The following CDKN1B variants were observed in gnomAD, a reference collection of about 807,000 sequenced individuals.
The protein encoded by CDKN1B is cyclin dependent kinase inhibitor 1B.
In CDKN1B, 7 loss-of-function variants were observed where a neutral mutation model predicts 17.1. That is an observed-to-expected ratio of 0.41 (90% confidence interval 0.23 to 0.77). The LOEUF is 0.77. CDKN1B is among the 30% of genes least tolerant of loss of function. The pLI, the probability that CDKN1B is intolerant of heterozygous loss-of-function variation, is 0.33. For synonymous variants in CDKN1B, 149 were observed against 104.3 expected (o/e 1.43, Z -2.61); for missense variants, 337 against 262.0 (o/e 1.29, Z -1.98).
Position 12,717,820 on chromosome 12 carries a change from C to T in CDKN1B, c.-20C>T, listed in dbSNP as rs1006578798. The T allele has an allele frequency of 1.9e-6, 3 of 1,610,530 alleles. No homozygotes were observed. The highest frequency in any genetic ancestry group is 2.2e-5 in the East Asian group (1 of 44,874). ...TTTTTGAGAGTGCGAGAGAGGCGGT[C>T]GTGCAGACCCGGGAGAAAGATGTCA... is the stretch of plus-strand genomic sequence containing the variant. On this transcript the variant is annotated 5_prime_UTR_variant, in exon 1 of 3. Coordinates refer to ENST00000228872, the MANE Select transcript of CDKN1B (RefSeq NM_004064.5).
At position 12,718,882 on chromosome 12, in the gene CDKN1B, C is replaced by A; in HGVS notation, c.533C>A (p.Ser178Tyr). The stretch of plus-strand genomic sequence containing the variant: ...ACAGAAGAAAATGTTTCAGACGGTT[C>A]CCCAAATGCCGGTTCTGTGGAGCAG... ...NRTEENVSDG[S>Y]PNAGSVEQTP... The change falls in exon 2 of 3, where the codon TCC becomes TAC. Residue 178 changes from serine (S) to tyrosine (Y), a missense_variant. Ser to Tyr is a moderately radical substitution (Grantham distance 144). Transcript: ENST00000228872. 1 of 1,614,142 alleles carries A rather than the reference C, an allele frequency of 6.2e-7. No homozygotes were observed. The highest frequency in any genetic ancestry group is 1.7e-5 in the Admixed American group (1 of 60,026).
intron 1 of CDKN1B, 111 bp downstream of exon 1, chr12:12,718,425 T>C (rs1946502858): frequency 9.9e-7 from 1 of 1,006,436 alleles, no homozygotes; most frequent in Non-Finnish European, 1.5e-6. Context: ...TTGGGAGAGC[T>C]AACTTTATTG....
In CDKN1B at chr12:12,717,537, C is replaced by T; in HGVS notation, c.-303C>T. 7.2e-7 allele frequency: 1 copy of T among 1,394,980 alleles called. No homozygotes were observed. The highest frequency in any genetic ancestry group is 9.3e-7 in the Non-Finnish European group (1 of 1,074,686). The allele number at this position is 1,394,980 out of a possible 1,614,324, so 86.4% of individuals were successfully genotyped here. A position where few individuals can be genotyped will look rare whatever the true frequency, so the allele number is the denominator to read the frequency against. ...TGGGTTCGCGGGACCCGCGGGCTTG[C>T]ACCCGCCCAGACTCGGACGGGCTTT... On this transcript the variant is annotated 5_prime_UTR_variant, in exon 1 of 3. Transcript: ENST00000228872.
chr12:12,717,604 TCCCGCTCG>T lies in CDKN1B; in HGVS notation c.-233_-226del. ...GCCTGGTCCCCTCTCCTCTCCGCCC[TCCCGCTCG>T]CCAGTCCATTTGATCAGCGGAGACT... is the stretch of plus-strand genomic sequence containing the variant. On this transcript the variant is annotated 5_prime_UTR_variant, in exon 1 of 3. Transcript: ENST00000228872. 1 of 1,438,572 alleles carries T rather than the reference TCCCGCTCG, an allele frequency of 7.0e-7. No homozygotes were observed. The highest frequency in any genetic ancestry group is 1.4e-5 in the African/African-American group (1 of 69,708). 89.1% of individuals were successfully genotyped at this position (1,438,572 alleles called of 1,614,324 possible).
rs1242997286 is a variant in CDKN1B at position 12,718,094 on chromosome 12, C to T, written c.255C>T (p.Pro85=). The T allele has an allele frequency of 1.9e-6, 3 of 1,614,114 alleles. No homozygotes were observed. Among genetic ancestry groups the T allele is most frequent in the Non-Finnish European group, 2.5e-6 (3 of 1,180,048 alleles). Residue 85 remains proline (P), a synonymous_variant, in exon 1 of 3, where the codon CCC becomes CCT. Transcript: ENST00000228872. ...EWQEVEKGSL[P]EFYYRPPRPP... ...AAGAGGTGGAGAAGGGCAGCTTGCC[C>T]GAGTTCTACTACAGACCCCCGCGGC...
chr12:12,717,368 C>G lies in CDKN1B; in HGVS notation c.-472C>G, dbSNP rs552816150. 2.2e-5 allele frequency: 24 copies of G among 1,108,436 alleles called. No individual in the cohort carries two copies. The East Asian group carries it at 6.8e-4, about 31-fold the overall frequency. The allele number at this position is 1,108,436 out of a possible 1,614,324, so 68.7% of individuals were successfully genotyped here. ...ATAGACTCGCCGTGTCAATCATTTTCTTCTTCGTCAGCCTCCCTTCCACCG... is the reference window on the plus strand; with the variant it reads ...ATAGACTCGCCGTGTCAATCATTTTGTTCTTCGTCAGCCTCCCTTCCACCG... On this transcript the variant is annotated 5_prime_UTR_variant, in exon 1 of 3. Coordinates refer to ENST00000228872, the MANE Select transcript of CDKN1B (RefSeq NM_004064.5).
chr12:12,718,392 T>C, intron 1 of CDKN1B, 78 bp downstream of exon 1: 2 of 1,298,158 alleles, frequency 1.5e-6, no homozygotes, highest in Non-Finnish European at 2.2e-6. Context: ...TTAGCTTGCT[T>C]TTCGGCGTAT....
chr12:12,719,841 C>G (rs1156688427), intron 2 of CDKN1B, among the ~76,000 whole-genome samples: 1 of 152,112 alleles, frequency 6.6e-6, no homozygotes, highest in Non-Finnish European at 1.5e-5. Flanking sequence ...AATTCAGTCC[C>G]CAGATAACCA....
At position 12,721,241 on chromosome 12, in the gene CDKN1B, C is replaced by A; in HGVS notation, c.*214C>A. On this transcript the variant is annotated 3_prime_UTR_variant, in exon 3 of 3. Transcript: ENST00000228872. ...TAAAAGCGTTGGATGTAGCATTATG[C>A]AATTAGGTTTTTCCTTATTTGCTTC... is the stretch of plus-strand genomic sequence containing the variant. 2 of 501,536 alleles carry A rather than the reference C, an allele frequency of 4.0e-6. No individual in the cohort carries two copies. The highest frequency in any genetic ancestry group is 7.8e-6 in the Non-Finnish European group (2 of 255,382). The allele number at this position is 501,536 out of a possible 1,614,324, so 31.1% of individuals were successfully genotyped here. A position where few individuals can be genotyped will look rare whatever the true frequency, so the allele number is the denominator to read the frequency against.
rs948773586 is a variant in CDKN1B at position 12,717,692 on chromosome 12, C to T, written c.-148C>T. The T allele has an allele frequency of 4.6e-6, 7 of 1,535,374 alleles. No individual in the cohort carries two copies. The highest frequency in any genetic ancestry group is 2.4e-5 in the East Asian group (1 of 41,168). On this transcript the variant is annotated 5_prime_UTR_variant, in exon 1 of 3. Transcript: ENST00000228872. Reference sequence around the variant, plus strand: ...CCCTGCGCGCTCCTAGAGCTCGGGCCGTGGCTCGTCGGGGTCTGTGTCTTT... The same window carrying T: ...CCCTGCGCGCTCCTAGAGCTCGGGCTGTGGCTCGTCGGGGTCTGTGTCTTT...
At chr12:12,719,709 A>G (rs1478301190) in intron 2 of CDKN1B, among the ~76,000 whole-genome samples, 1 of 152,216 alleles carries the variant, frequency 6.6e-6, no homozygotes, top group African/African-American at 2.4e-5. Flanking sequence ...GGTGATTTGG[A>G]TATTTGTAGG....
rs1026666962 is a variant in CDKN1B, at chr12:12,717,451, C to T, written c.-389C>T. ...CTTTTCGGGGTGTTTTTCTCCCCCT[C>T]CCCTGTCCCCGCTTGCTCACGGCTC... On this transcript the variant is annotated 5_prime_UTR_variant, in exon 1 of 3. Transcript: ENST00000228872. 4 of 1,297,678 alleles carry T rather than the reference C, an allele frequency of 3.1e-6. No individual in the cohort carries two copies. Among genetic ancestry groups the T allele is most frequent in the East Asian group, 3.4e-5 (1 of 29,804 alleles). The allele number at this position is 1,297,678 out of a possible 1,614,324, so 80.4% of individuals were successfully genotyped here. A position where few individuals can be genotyped will look rare whatever the true frequency, so the allele number is the denominator to read the frequency against.
intron 2 of CDKN1B, 51 bp from the exon 3 acceptor site, chr12:12,720,985 C>T (rs1855121958): frequency 4.9e-6 from 3 of 610,020 alleles, no homozygotes; most frequent in East Asian, 2.8e-5. Context: ...CTACTGGTAA[C>T]GTTAATCTAG....
intron 2 of CDKN1B, chr12:12,719,216 C>T (rs1225604597): frequency 2.2e-6 from 1 of 454,324 alleles, no homozygotes; most frequent in Non-Finnish European, 4.0e-6. Flanking sequence ...AAGGTCGTTT[C>T]CCTGTGAGTC....
Sources: allele counts gnomAD v4.1 joint callset (sites outside exome capture counted in the v4.1 genomes callset), GRCh38; gene constraint gnomAD v4.1.1; transcripts MANE v1.5; gene names NCBI Gene and HGNC (gene_info 2026-07-23, HGNC 2026-07-21).